TCF25: variants seen among roughly 807,000 people sequenced by gnomAD.
TCF25 encodes the protein TCF25 ribosome quality control complex subunit, also known as ribosome quality control complex subunit TCF25.
Under a neutral mutation model 83.1 loss-of-function variants are expected in TCF25, and 41 were observed. That is an observed-to-expected ratio of 0.49 (90% CI 0.38 to 0.64). The LOEUF (loss-of-function observed/expected upper bound fraction) is 0.64, where lower values mean the gene tolerates loss of function less well. Ranked by LOEUF, TCF25 falls within the 30% of genes least tolerant of loss-of-function variation. The probability of loss-of-function intolerance (pLI) is 0.00; values close to 1 mark genes in which losing one functional copy is unlikely to be tolerated. For missense variants in TCF25, 979 were observed against 914.5 expected, an observed-to-expected ratio of 1.07 and a Z score of -0.91; for synonymous variants, 458 against 365.0, an observed-to-expected ratio of 1.25 and a Z score of -2.90.
intron 9 of TCF25, 148 bp downstream of exon 9, chr16:89,896,231 G>A (rs2043838746): frequency 1.5e-6 from 1 of 657,210 alleles, no homozygotes; most frequent in African/African-American, 1.8e-5. Context: ...CTCTCTCTGG[G>A]CTTAAGGATA....
At chr16:89,895,773 T>C (rs757965957) in intron 8 of TCF25, among the ~76,000 whole-genome samples, 1 of 152,226 alleles carries the variant, frequency 6.6e-6, no homozygotes, top group East Asian at 1.9e-4. Context: ...CCTCATGGTG[T>C]TGAAAGTGTT....
chr16:89,892,350 C>T, intron 6 of TCF25, 75 bp downstream of exon 6: 1 of 1,525,564 alleles, frequency 6.6e-7, no homozygotes, highest in Non-Finnish European at 8.9e-7. Context: ...GTACAGCAAA[C>T]CAGGTGAGGG....
chr16:89,889,230 A>T, intron 5 of TCF25: 1 of 396,760 alleles, frequency 2.5e-6, no homozygotes, highest in South Asian at 1.9e-5. Flanking sequence ...TTTTTTAGAG[A>T]CAGGGTCTTG....
rs1477258519 is a variant in TCF25, at chr16:89,911,263, C to T, written c.*25C>T. 3 of 1,608,530 alleles carry T rather than the reference C, an allele frequency of 1.9e-6. No homozygotes were observed. The highest frequency in any genetic ancestry group is 1.7e-4 in the Middle Eastern group (1 of 5,740). On this transcript the variant is annotated 3_prime_UTR_variant, in exon 18 of 18. Transcript: ENST00000263346. The stretch of plus-strand genomic sequence containing the variant: ...AGCGTCCGCAGAGGTGACCGAAAAG[C>T]CGTATGATGATGTTCCCGATTTCTC...
chr16:89,874,639 C>G (rs929046019), intron 1 of TCF25: 7 of 152,332 alleles, frequency 4.6e-5, no homozygotes, highest in African/African-American at 1.7e-4. Flanking sequence ...GTATGGTTTG[C>G]TCATGCGGTC....
intron 15 of TCF25, 82 bp from the exon 16 acceptor site, chr16:89,907,161 G>A (rs1376485091): frequency 7.3e-7 from 1 of 1,368,432 alleles, no homozygotes; most frequent in Admixed American, 1.7e-5. Flanking sequence ...CCATGCTGGA[G>A]TCGACAGAAG....
In TCF25 at chr16:89,883,514, T is replaced by TG. The variant is rs1179030417; in HGVS notation, c.354+8dup. ...ACCGAGACAGTGCCCTCAGAGCAGG[T>TG]GGGGGGCTGAGTGGTGAGGAGGTGG... On this transcript the variant is annotated splice_region_variant and intron_variant, in intron 2 of 17. Transcript: ENST00000263346. The TG allele has an allele frequency of 1.9e-6, 3 of 1,594,022 alleles. No individual in the cohort carries two copies. The highest frequency in any genetic ancestry group is 1.1e-5 in the South Asian group (1 of 88,690).
intron 1 of TCF25, among the ~76,000 whole-genome samples, chr16:89,880,978 G>A (rs1346492756): frequency 1.3e-5 from 2 of 152,252 alleles, no homozygotes; most frequent in Non-Finnish European, 2.9e-5. Flanking sequence ...GTGCTGCTGG[G>A]ATGGGACAAA....
chr16:89,884,435 GAA>G (rs1350747123), intron 2 of TCF25, 145 bp from the exon 3 acceptor site: 13 of 723,526 alleles, frequency 1.8e-5, no homozygotes, highest in East Asian at 1.1e-4. Context: ...CTGCTGGAGA[GAA>G]GAGAGTGAGT....
At chr16:89,874,161 G>C (rs910677636) in intron 1 of TCF25, among the ~76,000 whole-genome samples, 56 of 152,012 alleles carry the variant, frequency 3.7e-4, no homozygotes, top group African/African-American at 1.3e-3. Context: ...AATGGGCGGG[G>C]TTAAGCGGGG....
chr16:89,907,668 TCCTCCCA>T (rs1190250100), intron 16 of TCF25, among the ~76,000 whole-genome samples: 467 of 8,084 alleles, frequency 0.058, 33 homozygotes, highest in African/African-American at 0.21. Flanking sequence ...CCCAGCTCCC[TCCTCCCA>T]CCTCCCACCT....
chr16:89,908,243 TCCCAGCTCCCACC>T lies in TCF25; in HGVS notation c.1799+922_1799+934del, dbSNP rs1567744372. Among the ~76,000 whole-genome samples the T allele has an allele frequency of 1.6e-3, 152 of 92,808 alleles. 3 individuals carry two copies. Among genetic ancestry groups the T allele is most frequent in the African/African-American group, 7.3e-3 (144 of 19,788 alleles). The allele number at this position is 92,808 out of a possible 152,430, so 60.9% of individuals were successfully genotyped here. A position where few individuals can be genotyped will look rare whatever the true frequency, so the allele number is the denominator to read the frequency against. The stretch of plus-strand genomic sequence containing the variant: ...CGCCTCCCTCCTCTCAGTTCCCACC[TCCCAGCTCCCACC>T]TCCCAGCTCCCTCTTCCCTCCTCCC... On this transcript the variant is annotated intron_variant, in intron 16 of 17. Transcript: ENST00000263346.
intron 1 of TCF25, among the ~76,000 whole-genome samples, chr16:89,880,295 G>A (rs570328407): frequency 2.1e-4 from 32 of 152,254 alleles, no homozygotes; most frequent in Admixed American, 1.3e-3. Flanking sequence ...AAAGTAAATT[G>A]GGTGTTGGCC....
chr16:89,878,336 A>T, intron 1 of TCF25: 1 of 900,822 alleles, frequency 1.1e-6, no homozygotes, highest in Non-Finnish European at 1.4e-6. Context: ...CGGTAATCCC[A>T]GCACTGTGGG....
At chr16:89,907,106 G>A (rs1441065117) in intron 15 of TCF25, 137 bp from the exon 16 acceptor site, 14 of 879,404 alleles carry the variant, frequency 1.6e-5, no homozygotes, top group Admixed American at 3.8e-5. Context: ...AAGCACAGCC[G>A]TTTCTGTCAG....
chr16:89,909,233 T>G, intron 16 of TCF25: 105 of 1,037,598 alleles, frequency 1.0e-4, no homozygotes, highest in African/African-American at 1.9e-4. Context: ...CTTAGCCAGC[T>G]GGGTGCAGTG....
Position 89,911,221 on chromosome 16 carries a change from G to C in TCF25, c.2014G>C (p.Glu672Gln), listed in dbSNP as rs748979934. ...EAPHEDDAEGEGEWD is the reference protein window; with the variant it reads ...EAPHEDDAEGQGEWD ...GCCGCACGAGGACGACGCTGAGGGG[G>C]AGGGGGAGTGGGACTGAGCGTCCGC... The change falls in exon 18 of 18, where the codon GAG (glutamate) becomes CAG (glutamine). Residue 672 changes from glutamate to glutamine, a missense_variant. Glu to Gln is a conservative substitution (Grantham distance 29). Transcript: ENST00000263346. The C allele has an allele frequency of 1.2e-6, 2 of 1,612,480 alleles. No homozygotes were observed. Among genetic ancestry groups the C allele is most frequent in the East Asian group, 4.5e-5 (2 of 44,884 alleles).
chr16:89,874,956 GA>G (rs1459789990), intron 1 of TCF25: 1 of 152,114 alleles, frequency 6.6e-6, no homozygotes, highest in East Asian at 1.9e-4. Context: ...TGGTCCCCAA[GA>G]CCCCCGTCAA....
intron 6 of TCF25, 44 bp downstream of exon 6, chr16:89,892,319 G>A (rs939337460): frequency 6.4e-6 from 10 of 1,571,860 alleles, no homozygotes; most frequent in South Asian, 1.2e-5. Flanking sequence ...GTTGGGGGGC[G>A]TTGTCTGTGC....
Sources: gnomAD v4.1 joint callset for allele counts (sites outside exome capture counted in the v4.1 genomes callset) on GRCh38, gnomAD v4.1.1 for gene constraint, MANE v1.5 for transcripts, NCBI Gene and HGNC (gene_info 2026-07-23, HGNC 2026-07-21) for gene names.